Variants in TAFA2 observed in about 807,000 individuals in gnomAD.
The protein encoded by TAFA2 is chemokine-like protein TAFA-2.
In TAFA2, 7 loss-of-function variants were observed where a neutral mutation model predicts 18.8. That is an observed-to-expected ratio of 0.37 (90% CI 0.21 to 0.70). TAFA2 has a LOEUF of 0.70. TAFA2 is among the 30% of genes least tolerant of loss of function. The pLI is 0.53. For synonymous variants in TAFA2, 60 were observed against 54.2 expected, an observed-to-expected ratio of 1.11 and a Z score of -0.47; for missense variants, 122 against 158.1, an observed-to-expected ratio of 0.77 and a Z score of 1.23.
At chr12:62,187,004 T>C (rs552571238) in intron 1 of TAFA2, among the ~76,000 whole-genome samples, 1 of 152,248 alleles carries the variant, frequency 6.6e-6, no homozygotes, top group Admixed American at 6.5e-5. Flanking sequence ...CTAACATAAA[T>C]TTGGAGTATG....
chr12:61,844,463 T>C (rs1873319018), intron 2 of TAFA2, among the ~76,000 whole-genome samples: 1 of 152,142 alleles, frequency 6.6e-6, no homozygotes, highest in South Asian at 2.1e-4. Flanking sequence ...TTCTACATAT[T>C]TTCAAATGAT....
At chr12:62,211,222 G>A (rs1341424448) in intron 1 of TAFA2, among the ~76,000 whole-genome samples, 3 of 152,256 alleles carry the variant, frequency 2.0e-5, no homozygotes, top group Non-Finnish European at 4.4e-5. Context: ...CCAATTACAT[G>A]AATGACAAAG....
intron 1 of TAFA2, among the ~76,000 whole-genome samples, chr12:62,104,192 G>C (rs1200933482): frequency 1.3e-5 from 2 of 151,710 alleles, no homozygotes; most frequent in Non-Finnish European, 2.9e-5. Flanking sequence ...ATAATTAAAA[G>C]GAAAAGTGAC....
chr12:61,826,382 CTATATGTGAGAAAATT>C (rs1872538388), intron 2 of TAFA2, among the ~76,000 whole-genome samples: 1 of 149,630 alleles, frequency 6.7e-6, no homozygotes, highest in South Asian at 2.1e-4. Context: ...ATTTGAAATT[CTATATGTGAGAAAATT>C]GATGTAAAAT....
At chr12:62,141,537 T>C (rs1289523518) in intron 1 of TAFA2, among the ~76,000 whole-genome samples, 1 of 152,186 alleles carries the variant, frequency 6.6e-6, no homozygotes, top group Non-Finnish European at 1.5e-5. Flanking sequence ...AAACAAAGAA[T>C]TTTGCCTGAC....
intron 2 of TAFA2, among the ~76,000 whole-genome samples, chr12:61,804,416 T>G (rs1389835390): frequency 6.6e-6 from 1 of 152,020 alleles, no homozygotes; most frequent in Non-Finnish European, 1.5e-5. Context: ...TTGAATTAGC[T>G]CAGCAAGCAC....
At chr12:61,749,721 T>G (rs549655768) in intron 4 of TAFA2, among the ~76,000 whole-genome samples, 1 of 152,096 alleles carries the variant, frequency 6.6e-6, no homozygotes, top group African/African-American at 2.4e-5. Context: ...CCAGAAAATT[T>G]CTTCTTAAGT....
rs561882714 is a variant in TAFA2 at position 62,010,195 on chromosome 12, T to C, written c.-1-142769A>G. Among the ~76,000 whole-genome samples, 336 of 142,644 alleles carry C rather than the reference T, an allele frequency of 2.4e-3. 1 individual carries two copies. Among genetic ancestry groups the C allele is most frequent in the African/African-American group, 7.8e-3 (303 of 38,806 alleles). 93.6% of individuals were successfully genotyped at this position (142,644 alleles called of 152,430 possible). On this transcript the variant is annotated intron_variant, in intron 1 of 4. Coordinates refer to ENST00000416284, the MANE Select transcript of TAFA2 (RefSeq NM_178539.5). ...CCTCCCTCTCCCCCATTTCTTTATTTGGTCTCCCTCTGTTACCGAGGCTGG... is the reference window on the plus strand; with the variant it reads ...CCTCCCTCTCCCCCATTTCTTTATTCGGTCTCCCTCTGTTACCGAGGCTGG...
At chr12:62,151,337 T>C (rs1047646290) in intron 1 of TAFA2, among the ~76,000 whole-genome samples, 8 of 152,192 alleles carry the variant, frequency 5.3e-5, no homozygotes, top group Non-Finnish European at 1.2e-4. Context: ...ATGAAGGCAT[T>C]CCTCTTGCGG....
rs570197429 is a variant in TAFA2, at chr12:61,952,212, C to T, written c.-1-84786G>A. ...TAGCCAAGACAGATATCTGCACAGC[C>T]CATTTTACACCACAGACTCTCTGAT... On this transcript the variant is annotated intron_variant, in intron 1 of 4. Transcript: ENST00000416284. Among the ~76,000 whole-genome samples, 4 of 152,150 alleles carry T rather than the reference C, an allele frequency of 2.6e-5. No individual in the cohort carries two copies. The South Asian group carries it at 8.3e-4, about 32-fold the overall frequency.
At chr12:62,044,607 C>A (rs1881860096) in intron 1 of TAFA2, among the ~76,000 whole-genome samples, 1 of 152,124 alleles carries the variant, frequency 6.6e-6, no homozygotes, top group Non-Finnish European at 1.5e-5. Context: ...GGCTCCTGCT[C>A]TTTTTGTCCA....
At chr12:62,029,808 CCTAT>C (rs757703598) in intron 1 of TAFA2, among the ~76,000 whole-genome samples, 1 of 107,522 alleles carries the variant, frequency 9.3e-6, no homozygotes, top group East Asian at 2.9e-4. Context: ...TAAATGTCTT[CCTAT>C]CTCTCTCTCT....
intron 1 of TAFA2, among the ~76,000 whole-genome samples, chr12:62,151,945 T>G (rs1165798510): frequency 6.6e-6 from 1 of 152,248 alleles, no homozygotes; most frequent in Non-Finnish European, 1.5e-5. Flanking sequence ...TTTAGAGGTT[T>G]ATGGTTCTAG....
chr12:62,212,567 T>G (rs1396024917), intron 1 of TAFA2, among the ~76,000 whole-genome samples: 1 of 151,598 alleles, frequency 6.6e-6, no homozygotes, highest in Non-Finnish European at 1.5e-5. Flanking sequence ...GAAAAGTCCC[T>G]CTTCTCCTCT....
At chr12:62,125,925 T>C (rs1364825593) in intron 1 of TAFA2, among the ~76,000 whole-genome samples, 1 of 151,958 alleles carries the variant, frequency 6.6e-6, no homozygotes, top group South Asian at 2.1e-4. Flanking sequence ...TTATAAAGAG[T>C]TTAACTCAGT....
intron 2 of TAFA2, among the ~76,000 whole-genome samples, chr12:61,792,586 G>A (rs1323665106): frequency 6.6e-6 from 1 of 151,178 alleles, no homozygotes; most frequent in Non-Finnish European, 1.5e-5. Context: ...AGGTTAAAAT[G>A]ATAGAAAAAA....
At chr12:62,094,903 A>G (rs1413261752) in intron 1 of TAFA2, among the ~76,000 whole-genome samples, 1 of 152,130 alleles carries the variant, frequency 6.6e-6, no homozygotes, top group African/African-American at 2.4e-5. Flanking sequence ...AGAAAAATAT[A>G]TATTACAAAG....
intron 1 of TAFA2, among the ~76,000 whole-genome samples, chr12:62,025,057 A>G (rs377418280): frequency 1.3e-5 from 2 of 152,274 alleles, no homozygotes; most frequent in South Asian, 2.1e-4. Context: ...TTCTCAAAGA[A>G]CTTAAAACAC....
At chr12:62,207,471 A>AACACAC (rs57677645) in intron 1 of TAFA2, among the ~76,000 whole-genome samples, 6 of 149,556 alleles carry the variant, frequency 4.0e-5, no homozygotes, top group Non-Finnish European at 7.4e-5. Context: ...TTCACACACA[A>AACACAC]ACACACACAC....
Sources: gnomAD v4.1 joint callset for allele counts (sites outside exome capture counted in the v4.1 genomes callset) on GRCh38, gnomAD v4.1.1 for gene constraint, MANE v1.5 for transcripts, NCBI Gene and HGNC (gene_info 2026-07-23, HGNC 2026-07-21) for gene names.